The following PARD3 variants were observed in gnomAD, a reference collection of about 807,000 sequenced individuals.
PARD3 encodes the protein par-3 family cell polarity regulator.
In PARD3, 75 loss-of-function variants were observed where a neutral mutation model predicts 155.4. The observed-to-expected ratio is 0.48, with a 90% CI of 0.40 to 0.58. PARD3 has a LOEUF of 0.58. PARD3 is among the 20% of genes least tolerant of loss of function. The pLI, the probability that PARD3 is intolerant of heterozygous loss-of-function variation, is 0.00. For synonymous variants in PARD3, 576 were observed against 610.5 expected (o/e 0.94, Z 0.83); for missense variants, 1,642 against 1,721.7 (o/e 0.95, Z 0.82).
chr10:34,313,685 T>C (rs112052560), intron 20 of PARD3, among the ~76,000 whole-genome samples: 19 of 152,338 alleles, frequency 1.2e-4, no homozygotes, highest in African/African-American at 3.4e-4. Flanking sequence ...CCTATCTATT[T>C]GACCCTCATC....
At chr10:34,783,135 G>A (rs1254306491) in intron 1 of PARD3, among the ~76,000 whole-genome samples, 2 of 152,082 alleles carry the variant, frequency 1.3e-5, no homozygotes, top group Non-Finnish European at 2.9e-5. Context: ...AGGGACAATA[G>A]GTAAAAAGCA....
intron 2 of PARD3, among the ~76,000 whole-genome samples, chr10:34,661,357 G>T (rs1232432045): frequency 6.6e-6 from 1 of 152,130 alleles, no homozygotes; most frequent in African/African-American, 2.4e-5. Context: ...TAAAAGAAAT[G>T]TACAAATAAA....
intron 22 of PARD3, among the ~76,000 whole-genome samples, chr10:34,213,783 G>A (rs900276841): frequency 1.3e-5 from 2 of 152,172 alleles, no homozygotes; most frequent in Non-Finnish European, 2.9e-5. Context: ...GCTGCTCCAC[G>A]ATTCATGAAT....
chr10:34,368,332 T>C (rs965188999), intron 12 of PARD3, among the ~76,000 whole-genome samples: 24 of 151,978 alleles, frequency 1.6e-4, no homozygotes, highest in Admixed American at 9.2e-4. Context: ...ATGAGATAGG[T>C]AGAAGTCAGT....
intron 2 of PARD3, among the ~76,000 whole-genome samples, chr10:34,664,688 G>GT (rs2093407150): frequency 6.6e-6 from 1 of 152,142 alleles, no homozygotes; most frequent in African/African-American, 2.4e-5. Context: ...GTTTCACCAT[G>GT]TTGGCCAGGC....
chr10:34,505,546 G>A (rs1325892355), intron 3 of PARD3, among the ~76,000 whole-genome samples: 5 of 152,090 alleles, frequency 3.3e-5, no homozygotes, highest in South Asian at 4.1e-4. Flanking sequence ...TGTGACTCAC[G>A]CCATCCTAAC....
chr10:34,475,931 C>T (rs1005861971), intron 3 of PARD3, among the ~76,000 whole-genome samples: 3 of 152,074 alleles, frequency 2.0e-5, no homozygotes, highest in East Asian at 1.9e-4. Context: ...CAAATGAAAA[C>T]GCTGTTCTAT....
At chr10:34,679,943 G>A (rs2093780361) in intron 2 of PARD3, among the ~76,000 whole-genome samples, 1 of 151,956 alleles carries the variant, frequency 6.6e-6, no homozygotes, top group Non-Finnish European at 1.5e-5. Flanking sequence ...GAGGTGGGAG[G>A]GTGCAAGGTG....
chr10:34,309,740 C>T (rs1957602167), intron 20 of PARD3, among the ~76,000 whole-genome samples: 1 of 141,260 alleles, frequency 7.1e-6, no homozygotes, highest in Non-Finnish European at 1.5e-5. Flanking sequence ...GAGGTTCAAC[C>T]ATCTCCCCCA....
chr10:34,384,346 G>A (rs1287189555), intron 7 of PARD3, 92 bp from the exon 8 acceptor site: 1 of 1,189,138 alleles, frequency 8.4e-7, no homozygotes, highest in Non-Finnish European at 1.2e-6. Context: ...TATTTACAAA[G>A]ATGTCCTTAC....
chr10:34,351,951 C>A (rs1838131271), intron 14 of PARD3, among the ~76,000 whole-genome samples: 1 of 152,216 alleles, frequency 6.6e-6, no homozygotes, highest in African/African-American at 2.4e-5. Context: ...CTTTCCTATT[C>A]TAATATACCT....
At chr10:34,202,873 C>A (rs1951283206) in intron 22 of PARD3, among the ~76,000 whole-genome samples, 1 of 152,086 alleles carries the variant, frequency 6.6e-6, no homozygotes, top group Non-Finnish European at 1.5e-5. Flanking sequence ...GGCTCAGATT[C>A]AGAAAAAAAT....
chr10:34,770,035 TC>T (rs763265527), intron 1 of PARD3, among the ~76,000 whole-genome samples: 3 of 152,142 alleles, frequency 2.0e-5, no homozygotes, highest in Non-Finnish European at 4.4e-5. Flanking sequence ...TTTCACTGGC[TC>T]CCAATGACTT....
intron 3 of PARD3, among the ~76,000 whole-genome samples, chr10:34,486,824 T>C (rs2079506339): frequency 6.6e-6 from 1 of 152,046 alleles, no homozygotes; most frequent in African/African-American, 2.4e-5. Context: ...TCATACTATA[T>C]ACATATAATT....
intron 1 of PARD3, among the ~76,000 whole-genome samples, chr10:34,703,863 C>G (rs2094322303): frequency 6.6e-6 from 1 of 152,156 alleles, no homozygotes; most frequent in Non-Finnish European, 1.5e-5. Context: ...TCCTAGAATT[C>G]CATTTCTTGC....
chr10:34,677,741 A>AG (rs1168842055), intron 2 of PARD3, among the ~76,000 whole-genome samples: 1 of 152,220 alleles, frequency 6.6e-6, no homozygotes, highest in Non-Finnish European at 1.5e-5. Context: ...GGACACAGAT[A>AG]CCATGACTAA....
chr10:34,201,585 G>A (rs1951213931), intron 22 of PARD3, among the ~76,000 whole-genome samples: 5 of 152,118 alleles, frequency 3.3e-5, no homozygotes, highest in Non-Finnish European at 7.3e-5. Context: ...TTCAAAAGGG[G>A]AGCCATGTTT....
intron 1 of PARD3, among the ~76,000 whole-genome samples, chr10:34,783,156 A>G (rs953659562): frequency 3.9e-5 from 6 of 152,226 alleles, no homozygotes; most frequent in African/African-American, 1.4e-4. Context: ...TTAATTTGGG[A>G]GTATAACACA....
chr10:34,285,111 A>C (rs972204971), intron 20 of PARD3, among the ~76,000 whole-genome samples: 5 of 152,218 alleles, frequency 3.3e-5, no homozygotes, highest in Non-Finnish European at 7.3e-5. Context: ...TATATCCATA[A>C]GCAATCTTTG....
Sources: allele counts gnomAD v4.1 joint callset (sites outside exome capture counted in the v4.1 genomes callset), GRCh38; gene constraint gnomAD v4.1.1; transcripts MANE v1.5; gene names NCBI Gene and HGNC (gene_info 2026-07-23, HGNC 2026-07-21).